Variants in TBC1D31 observed in about 807,000 individuals in gnomAD.
TBC1D31 encodes TBC1 domain family member 31.
TBC1D31 carries 99 observed loss-of-function variants against 132.9 expected under a neutral mutation model. The ratio of observed to expected loss-of-function variants is 0.74; its 90% confidence interval spans 0.63 to 0.88. The LOEUF is 0.88. Among genes scored for constraint, TBC1D31 ranks in the 40% least tolerant of loss-of-function variants. TBC1D31 has a pLI of 0.00. For missense variants in TBC1D31, 1,134 were observed against 1,256.6 expected (o/e 0.90, Z 1.48); for synonymous variants, 385 against 419.4 (o/e 0.92, Z 1.00).
At chr8:123,079,450 C>T (rs115733431) in intron 2 of TBC1D31, among the ~76,000 whole-genome samples, 2,086 of 152,256 alleles carry the variant, frequency 0.014, 49 homozygotes, top group African/African-American at 0.048. Context: ...ATCATTGTTT[C>T]TGCCCTTTAC....
intron 11 of TBC1D31, among the ~76,000 whole-genome samples, chr8:123,125,120 T>A (rs1819907248): frequency 6.6e-6 from 1 of 152,216 alleles, no homozygotes; most frequent in African/African-American, 2.4e-5. Flanking sequence ...AATATTCTGC[T>A]GATAAAGCCT....
chr8:123,130,346 T>TATA lies in TBC1D31; in HGVS notation c.2406+14_2406+15insTAA. 7 of 1,605,032 alleles carry TATA rather than the reference T, an allele frequency of 4.4e-6. No individual in the cohort carries two copies. Among genetic ancestry groups the TATA allele is most frequent in the Non-Finnish European group, 6.0e-6 (7 of 1,175,502 alleles). On this transcript the variant is annotated intron_variant, in intron 16 of 21. Transcript: ENST00000287380. Reference sequence around the variant, plus strand: ...AATTGGGAGAAAGGTTTATTATTCTTAACTTAGTTCTCATACATCATCTCC... The same window carrying TATA: ...AATTGGGAGAAAGGTTTATTATTCTTATAAACTTAGTTCTCATACATCATCTCC...
At chr8:123,123,196 A>G (rs1287039824) in intron 11 of TBC1D31, 1 of 152,318 alleles carries the variant, frequency 6.6e-6, no homozygotes, top group Non-Finnish European at 1.5e-5. Flanking sequence ...AGAAGCACCC[A>G]GATACTCCAG....
chr8:123,095,344 CT>C (rs1269885569), intron 5 of TBC1D31, among the ~76,000 whole-genome samples: 2 of 152,180 alleles, frequency 1.3e-5, no homozygotes, highest in Non-Finnish European at 2.9e-5. Context: ...TCTCTCATTT[CT>C]TCTTCACTTA....
rs1242160860 is a variant in TBC1D31 at position 123,072,853 on chromosome 8, G to A, written c.77+7G>A. The A allele has an allele frequency of 1.9e-6, 3 of 1,559,592 alleles. No individual in the cohort carries two copies. Among genetic ancestry groups the A allele is most frequent in the Non-Finnish European group, 2.6e-6 (3 of 1,151,978 alleles). ...CCCCGGCCACGCGGGACGGGTAAAGGCCGTGGCGGGAGGGCGCGGGCTGTG... is the reference window on the plus strand; with the variant it reads ...CCCCGGCCACGCGGGACGGGTAAAGACCGTGGCGGGAGGGCGCGGGCTGTG... On this transcript the variant is annotated splice_region_variant and intron_variant, in intron 1 of 21. Transcript: ENST00000287380.
chr8:123,160,451 G>A, the TBC1D31 span, among the ~76,000 whole-genome samples: 1 of 152,078 alleles, frequency 6.6e-6, no homozygotes, highest in African/African-American at 2.4e-5. Flanking sequence ...GGGAAGTTGG[G>A]GAGGAGAAGG....
At position 123,100,949 on chromosome 8, in the gene TBC1D31, T is replaced by C. The variant is rs1207659156; in HGVS notation, c.974T>C (p.Met325Thr). 1.9e-6 allele frequency: 3 copies of C among 1,614,034 alleles called. No homozygotes were observed. Among genetic ancestry groups the C allele is most frequent in the Admixed American group, 1.7e-5 (1 of 60,024 alleles). The part of the protein sequence containing the change: ...SPHGRYIASI[M>T]ENGSLNIYSV... ...CATGGACGGTACATTGCATCTATTA[T>C]GGAAAATGGAAGTCTAAACATATAT... is the stretch of plus-strand genomic sequence containing the variant. Residue 325 changes from methionine to threonine, a missense_variant, in exon 7 of 22, where the codon ATG becomes ACG. Met to Thr is a moderately conservative substitution (Grantham distance 81, BLOSUM62 -1). Coordinates refer to ENST00000287380, the MANE Select transcript of TBC1D31 (RefSeq NM_145647.4).
At position 123,130,214 on chromosome 8, in the gene TBC1D31, A is replaced by C. The variant is rs1440426430; in HGVS notation, c.2287A>C (p.Arg763=). ...GTATTTAAGGCTAGCTGCTGTGAAA[A>C]GAGAGCTGAAAGTAAAGGAAATGCA... ...QQRQRLAAVK[R]ELKVKEMHLQ... is the part of the protein sequence containing the mutation. The change falls in exon 16 of 22, where the codon AGA becomes CGA. Residue 763 remains arginine, a synonymous_variant. Transcript: ENST00000287380. 1 of 1,610,922 alleles carries C rather than the reference A, an allele frequency of 6.2e-7. No homozygotes were observed. Among genetic ancestry groups the C allele is most frequent in the Non-Finnish European group, 8.5e-7 (1 of 1,178,594 alleles).
At chr8:123,145,009 G>A (rs376895291) in intron 20 of TBC1D31, among the ~76,000 whole-genome samples, 154 bp downstream of exon 20, 1 of 150,912 alleles carries the variant, frequency 6.6e-6, no homozygotes, top group Admixed American at 6.6e-5. Context: ...GTGCAGCCTC[G>A]ACCTCCTGAG....
chr8:123,097,493 T>C, intron 6 of TBC1D31, 52 bp downstream of exon 6: 1 of 1,571,640 alleles, frequency 6.4e-7, no homozygotes, highest in Non-Finnish European at 8.7e-7. Context: ...AACGCATCCG[T>C]CTCTGAACTA....
intron 11 of TBC1D31, among the ~76,000 whole-genome samples, chr8:123,125,206 T>A (rs1297158638): frequency 1.3e-5 from 2 of 152,170 alleles, no homozygotes; most frequent in Non-Finnish European, 2.9e-5. Flanking sequence ...ATTAAAAAAA[T>A]TTTAAAATTA....
intron 2 of TBC1D31, among the ~76,000 whole-genome samples, chr8:123,080,233 T>G (rs1445224872): frequency 1.3e-5 from 2 of 152,232 alleles, no homozygotes; most frequent in Non-Finnish European, 2.9e-5. Flanking sequence ...CTCTGGCTTA[T>G]ATAGCATCTT....
chr8:123,139,309 TGGAATATAATGTA>T (rs1054882172), intron 17 of TBC1D31, among the ~76,000 whole-genome samples: 3 of 152,176 alleles, frequency 2.0e-5, no homozygotes, highest in Non-Finnish European at 4.4e-5. Context: ...AAAGACCGTC[TGGAATATAATGTA>T]GCAATTTTGG....
intron 11 of TBC1D31, among the ~76,000 whole-genome samples, chr8:123,121,079 A>G (rs144995040): frequency 0.014 from 2,082 of 149,756 alleles, 42 homozygotes; most frequent in African/African-American, 0.049. Flanking sequence ...TCAGCCTCCC[A>G]AGTAGCTGGG....
chr8:123,099,295 A>AT (rs989293050), intron 6 of TBC1D31, among the ~76,000 whole-genome samples: 1 of 151,334 alleles, frequency 6.6e-6, no homozygotes. Flanking sequence ...AATTTTTTGT[A>AT]TTTTTTAGTA....
chr8:123,088,693 ATTTG>A (rs1394360849), intron 4 of TBC1D31, among the ~76,000 whole-genome samples: 3 of 152,074 alleles, frequency 2.0e-5, no homozygotes, highest in African/African-American at 4.8e-5. Context: ...ACTTTTATTT[ATTTG>A]TTTGTTTTGA....
At chr8:123,144,169 C>T (rs1821958155) in intron 19 of TBC1D31, among the ~76,000 whole-genome samples, 1 of 152,062 alleles carries the variant, frequency 6.6e-6, no homozygotes, top group South Asian at 2.1e-4. Context: ...TTTCGGCAAA[C>T]TTTAGGAGTT....
At position 123,082,831 on chromosome 8, in the gene TBC1D31, C is replaced by T; in HGVS notation, c.340+14C>T. On this transcript the variant is annotated intron_variant, in intron 3 of 21. Coordinates refer to ENST00000287380, the MANE Select transcript of TBC1D31 (RefSeq NM_145647.4). ...GTTTTGATACAGGTAAGAAGTTCTC[C>T]TATTTTTCTTTTGAAGCAGAGTAAA... 2 of 1,560,354 alleles carry T rather than the reference C, an allele frequency of 1.3e-6. No individual in the cohort carries two copies. The highest frequency in any genetic ancestry group is 1.8e-6 in the Non-Finnish European group (2 of 1,134,426).
the TBC1D31 span, among the ~76,000 whole-genome samples, chr8:123,161,319 G>C: frequency 6.6e-6 from 1 of 152,194 alleles, no homozygotes; most frequent in African/African-American, 2.4e-5. Context: ...GATCCCCATT[G>C]CCTTCATCTG....
Sources: allele counts gnomAD v4.1 joint callset (sites outside exome capture counted in the v4.1 genomes callset), GRCh38; gene constraint gnomAD v4.1.1; transcripts MANE v1.5; gene names NCBI Gene and HGNC (gene_info 2026-07-23, HGNC 2026-07-21).